NCOR2: variants seen among roughly 807,000 people sequenced by gnomAD.
The protein encoded by NCOR2 is CTG repeat protein 26.
In NCOR2, 81 loss-of-function variants were observed where a neutral mutation model predicts 262.9. That is an observed-to-expected ratio of 0.31 (90% CI 0.26 to 0.37). The LOEUF (loss-of-function observed/expected upper bound fraction) is 0.37, where lower values mean the gene tolerates loss of function less well. NCOR2 is among the 10% of genes least tolerant of loss of function. NCOR2 has a pLI of 1.00. For synonymous variants in NCOR2, 1,659 were observed against 1,559.3 expected, an observed-to-expected ratio of 1.06 and a Z score of -1.51; for missense variants, 3,385 against 3,621.4, an observed-to-expected ratio of 0.93 and a Z score of 1.68.
At chr12:124,346,479 C>T in intron 31 of NCOR2, 85 bp downstream of exon 33, 1 of 1,351,598 alleles carries the variant, frequency 7.4e-7, no homozygotes, top group Non-Finnish European at 9.6e-7. Flanking sequence ...CTCGGTTTCC[C>T]CATGTGGAGA....
intron 16 of NCOR2, chr12:124,388,716 GT>G (rs769379300): frequency 7.7e-7 from 1 of 1,304,406 alleles, no homozygotes; most frequent in South Asian, 1.2e-5. Flanking sequence ...CCTCGGCCAA[GT>G]TTTCCGGAAA....
rs556474540 is a variant in NCOR2 at position 124,512,498 on chromosome 12, C to G, written c.-117-17130G>C. ...AACCCAGGATGAGCTCATCTCAAAA[C>G]ACATCTGCAAAGACCCTTTTATCAA... On this transcript the variant is annotated intron_variant, in intron 1 of 46. Coordinates refer to the NCOR2 transcript ENST00000404621. Among the ~76,000 whole-genome samples the G allele has an allele frequency of 5.9e-5, 9 of 152,332 alleles. No homozygotes were observed. In the East Asian group the frequency reaches 1.7e-3, roughly 29 times the overall value.
chr12:124,525,287 G>A (rs1008179789), intron 1 of NCOR2, among the ~76,000 whole-genome samples: 4 of 152,150 alleles, frequency 2.6e-5, no homozygotes, highest in African/African-American at 9.7e-5. Flanking sequence ...TTATTGTCCA[G>A]GGCCCAGCTC....
At chr12:124,337,228 T>A in intron 37 of NCOR2, 48 bp from the exon 40 acceptor site, 1 of 1,536,244 alleles carries the variant, frequency 6.5e-7, no homozygotes, top group East Asian at 2.5e-5. Flanking sequence ...GCTGCCCTCT[T>A]CCTCCACCAC....
At chr12:124,472,048 C>A (rs1565974822) in intron 4 of NCOR2, among the ~76,000 whole-genome samples, 1 of 152,128 alleles carries the variant, frequency 6.6e-6, no homozygotes, top group Non-Finnish European at 1.5e-5. Flanking sequence ...TTTACAAAAA[C>A]CAGCAGCAGC....
At chr12:124,468,444 CCATCATCCTCATCCT>C in intron 4 of NCOR2, among the ~76,000 whole-genome samples, 1 of 31,496 alleles carries the variant, frequency 3.2e-5, no homozygotes. Context: ...CTCATCACCC[CCATCATCCTCATCCT>C]CATCACCCCC....
chr12:124,376,042 C>A (rs575152584), intron 18 of NCOR2, among the ~76,000 whole-genome samples: 2 of 152,304 alleles, frequency 1.3e-5, no homozygotes, highest in African/African-American at 4.8e-5. Context: ...CCCGAGCCTA[C>A]CGGCTATGTG....
Position 124,440,631 on chromosome 12 carries a change from G to T in NCOR2, c.816-2635C>A, listed in dbSNP as rs532493066. The stretch of plus-strand genomic sequence containing the variant: ...GCCAGGCACTGTTCCAGGTGCTGGG[G>T]ACACAGCAGGGAGCAAGACACAGTT... On this transcript the variant is annotated intron_variant, in intron 7 of 46. Coordinates refer to ENST00000405201, the Ensembl canonical transcript of NCOR2. This position sits in a 1 kb window ranked among gnomAD's most constrained non-coding sequence, Gnocchi z 5.7. Among the ~76,000 whole-genome samples, 1 of 152,368 alleles carries T rather than the reference G, an allele frequency of 6.6e-6. No individual in the cohort carries two copies. The highest frequency in any genetic ancestry group is 1.5e-5 in the Non-Finnish European group (1 of 68,038).
intron 13 of NCOR2, among the ~76,000 whole-genome samples, chr12:124,418,422 T>C (rs1236562416): frequency 6.6e-6 from 1 of 152,174 alleles, no homozygotes; most frequent in Non-Finnish European, 1.5e-5. Flanking sequence ...CAACCCGTGA[T>C]GGCTGGTCTC....
chr12:124,366,176 A>C (rs2039021566), intron 20 of NCOR2, among the ~76,000 whole-genome samples: 1 of 152,212 alleles, frequency 6.6e-6, no homozygotes, highest in Non-Finnish European at 1.5e-5. Context: ...AACAGCCAGA[A>C]GGCAGAGACA....
intron 38 of NCOR2, chr12:124,335,845 C>A: frequency 1.8e-6 from 1 of 569,222 alleles, no homozygotes; most frequent in Non-Finnish European, 3.1e-6. Flanking sequence ...ATGCAGAGCC[C>A]GGGACAGAGA....
chr12:124,361,122 C>CAAAAA (rs33951841), intron 22 of NCOR2, among the ~76,000 whole-genome samples: 4 of 122,508 alleles, frequency 3.3e-5, no homozygotes, highest in East Asian at 3.0e-4. Flanking sequence ...CCGTCTCAAA[C>CAAAAA]AAAAAAAAAA....
intron 31 of NCOR2, among the ~76,000 whole-genome samples, chr12:124,345,277 C>A (rs745322264): frequency 9.2e-5 from 14 of 152,158 alleles, no homozygotes; most frequent in Non-Finnish European, 1.5e-4. Flanking sequence ...AAGCCCAACA[C>A]CCTCATGTGG....
chr12:124,474,440 C>T (rs949067108), intron 3 of NCOR2, among the ~76,000 whole-genome samples: 1 of 152,014 alleles, frequency 6.6e-6, no homozygotes, highest in Non-Finnish European at 1.5e-5. Flanking sequence ...TGCTTAACAA[C>T]AAAGGAAGCC....
intron 1 of NCOR2, among the ~76,000 whole-genome samples, chr12:124,560,242 G>A (rs1451591143): frequency 6.6e-6 from 1 of 152,234 alleles, no homozygotes; most frequent in Non-Finnish European, 1.5e-5. Flanking sequence ...TTTAGGTTCT[G>A]TAGGCCTTCC....
intron 7 of NCOR2, among the ~76,000 whole-genome samples, chr12:124,445,598 G>T (rs71458845): frequency 0.047 from 7,157 of 152,254 alleles, 276 homozygotes; most frequent in Non-Finnish European, 0.067. Flanking sequence ...AGCAGCGGGG[G>T]CGAGGAGGCC....
intron 20 of NCOR2, 72 bp downstream of exon 22, chr12:124,371,950 G>A (rs894177062): frequency 4.8e-6 from 7 of 1,443,506 alleles, no homozygotes; most frequent in Non-Finnish European, 5.6e-6. Flanking sequence ...GGGTGCGGCT[G>A]TCTAAGTAGG....
chr12:124,474,107 C>T (rs735010), intron 3 of NCOR2, among the ~76,000 whole-genome samples: 74,068 of 152,140 alleles, frequency 0.49, 19,324 homozygotes, highest in Non-Finnish European at 0.57. Context: ...TCCCCACCAG[C>T]CCAAGGAACG....
chr12:124,346,551 C>G lies in NCOR2; in HGVS notation c.4359+13G>C, dbSNP rs1350134406. On this transcript the variant is annotated intron_variant, in intron 31 of 46. Coordinates refer to ENST00000405201, the Ensembl canonical transcript of NCOR2. ...CCTAGAACTGGGCCCGTGTGCCTGG[C>G]CCTGGGCCATACCTGCGTGATGGAG... The G allele has an allele frequency of 6.6e-7, 1 of 1,522,524 alleles. No homozygotes were observed. The highest frequency in any genetic ancestry group is 1.9e-5 in the Admixed American group (1 of 52,678). 94.3% of individuals were successfully genotyped at this position (1,522,524 alleles called of 1,614,324 possible).
Sources: allele counts gnomAD v4.1 joint callset (sites outside exome capture counted in the v4.1 genomes callset), GRCh38; gene constraint gnomAD v4.1.1; non-coding constraint Gnocchi (gnomAD v3.1); transcripts MANE v1.5; gene names NCBI Gene and HGNC (gene_info 2026-07-23, HGNC 2026-07-21).